ADCYAP1R1: variants seen among roughly 807,000 people sequenced by gnomAD.
The protein encoded by ADCYAP1R1 is ADCYAP receptor type I, also known as pituitary adenylate cyclase-activating polypeptide type I receptor.
In ADCYAP1R1, 44 loss-of-function variants were observed where a neutral mutation model predicts 67.6. The observed-to-expected ratio is 0.65, with a 90% CI of 0.51 to 0.84. The LOEUF (loss-of-function observed/expected upper bound fraction) is 0.84, where lower values mean the gene tolerates loss of function less well. ADCYAP1R1 is among the 40% of genes least tolerant of loss of function. ADCYAP1R1 has a pLI of 0.00. For missense variants in ADCYAP1R1, 477 were observed against 587.9 expected (o/e 0.81, Z 1.95); for synonymous variants, 222 against 219.6 (o/e 1.01, Z -0.10).
rs1796824481 is a variant in ADCYAP1R1 at position 31,110,588 on chromosome 7, C to T, written c.*3904C>T. The stretch of plus-strand genomic sequence containing the variant: ...CTGCACATGAGCAGAATGTGACACT[C>T]AAAGCATCCATGCAGTACGCATGTA... On this transcript the variant is annotated 3_prime_UTR_variant, in exon 16 of 16. Coordinates refer to ENST00000304166, the MANE Select transcript of ADCYAP1R1 (RefSeq NM_001118.5). The T allele has an allele frequency of 6.6e-6, 1 of 152,470 alleles. No homozygotes were observed. The allele number at this position is 152,470 out of a possible 1,614,324, so 9.4% of individuals were successfully genotyped here.
intron 7 of ADCYAP1R1, among the ~76,000 whole-genome samples, chr7:31,084,514 A>T (rs973117014): frequency 3.3e-5 from 5 of 152,220 alleles, no homozygotes; most frequent in Non-Finnish European, 7.3e-5. Flanking sequence ...TGCCTTCAAC[A>T]GCATATATTG....
Position 31,086,846 on chromosome 7 carries a change from T to C in ADCYAP1R1, c.824-97T>C. ...GAATTCCCAGGAATTCCAAGTCTCA[T>C]GGGGGAGCAATAGCCTCTCGGAGCC... On this transcript the variant is annotated intron_variant, in intron 10 of 15. Transcript: ENST00000304166. The surrounding 1 kb of genome is among the most constrained non-coding windows in gnomAD (Gnocchi z 5.0). The C allele has an allele frequency of 1.5e-6, 2 of 1,304,056 alleles. No homozygotes were observed. Among genetic ancestry groups the C allele is most frequent in the Non-Finnish European group, 2.2e-6 (2 of 900,922 alleles). 80.8% of individuals were successfully genotyped at this position (1,304,056 alleles called of 1,614,324 possible).
chr7:31,064,128 C>G (rs1794631024), intron 2 of ADCYAP1R1, among the ~76,000 whole-genome samples: 2 of 152,196 alleles, frequency 1.3e-5, no homozygotes, highest in African/African-American at 4.8e-5. Context: ...TAACTTTGGG[C>G]TGGAGTTTCT....
At chr7:31,058,831 T>A (rs761134294) in intron 1 of ADCYAP1R1, among the ~76,000 whole-genome samples, 14 of 152,050 alleles carry the variant, frequency 9.2e-5, no homozygotes, top group Non-Finnish European at 1.9e-4. Flanking sequence ...TGCACCAACT[T>A]TGGAGCCAGA....
chr7:31,085,708 A>G (rs1795719076), intron 9 of ADCYAP1R1, among the ~76,000 whole-genome samples: 1 of 152,212 alleles, frequency 6.6e-6, no homozygotes, highest in African/African-American at 2.4e-5. Flanking sequence ...GCAGAAGAGG[A>G]AGGTCAGGTG....
intron 13 of ADCYAP1R1, among the ~76,000 whole-genome samples, chr7:31,094,170 G>A (rs1227499275): frequency 1.3e-5 from 2 of 152,104 alleles, no homozygotes; most frequent in African/African-American, 4.8e-5. Flanking sequence ...GTTTTTGCAA[G>A]TTTTTACCAA....
In ADCYAP1R1 at chr7:31,084,720, C is replaced by T. The variant is rs367810765; in HGVS notation, c.439-17C>T. On this transcript the variant is annotated splice_polypyrimidine_tract_variant and intron_variant, in intron 7 of 15. Transcript: ENST00000304166. ...AGGTCTCACATGAAGTCCTGCATGT[C>T]CTGTGCTCTGCTTCAGGATTATTAC... 268 of 1,607,474 alleles carry T rather than the reference C, an allele frequency of 1.7e-4. No individual in the cohort carries two copies. Among genetic ancestry groups the T allele is most frequent in the Non-Finnish European group, 2.2e-4 (257 of 1,174,106 alleles).
intron 13 of ADCYAP1R1, chr7:31,100,288 G>A: frequency 3.6e-6 from 5 of 1,386,172 alleles, no homozygotes; most frequent in Non-Finnish European, 5.0e-6. Context: ...CGCTGCTGGA[G>A]GAGAGTGGAG....
chr7:31,100,328 A>T, intron 13 of ADCYAP1R1: 1 of 732,570 alleles, frequency 1.4e-6, no homozygotes, highest in Non-Finnish European at 2.0e-6. Context: ...GCCCCAACCC[A>T]TTCCCGGCTG....
At chr7:31,054,845 G>A (rs1456513857) in intron 1 of ADCYAP1R1, among the ~76,000 whole-genome samples, 2 of 152,202 alleles carry the variant, frequency 1.3e-5, no homozygotes, top group Non-Finnish European at 2.9e-5. Context: ...CCTGTCCTGG[G>A]CAGGTTTGTG....
At chr7:31,069,341 C>T (rs1286098059) in intron 3 of ADCYAP1R1, among the ~76,000 whole-genome samples, 3 of 152,180 alleles carry the variant, frequency 2.0e-5, no homozygotes, top group South Asian at 2.1e-4. Context: ...CTTCCCTGCC[C>T]GGGTGGTCCC....
chr7:31,084,972 A>C, intron 8 of ADCYAP1R1, 138 bp downstream of exon 8: 1 of 878,508 alleles, frequency 1.1e-6, no homozygotes, highest in East Asian at 2.6e-5. Flanking sequence ...CAAGGATAAC[A>C]GATGGGAAAC....
Position 31,086,433 on chromosome 7 carries a change from A to G in ADCYAP1R1, c.719A>G (p.Asn240Ser), listed in dbSNP as rs1795745696. 3 of 1,614,172 alleles carry G rather than the reference A, an allele frequency of 1.9e-6. No individual in the cohort carries two copies. The highest frequency in any genetic ancestry group is 2.5e-6 in the Non-Finnish European group (3 of 1,180,034). Residue 240 changes from asparagine (N) to serine (S), a missense_variant, in exon 10 of 16, where the codon AAC becomes AGC. Physicochemically the swap from Asn to Ser is conservative, Grantham distance 46 (BLOSUM62 1). Transcript: ENST00000304166. The surrounding 1 kb of genome is among the most constrained non-coding windows in gnomAD (Gnocchi z 5.0). ...TTCTTCCACTACTGTGTTGTGTCCA[A>G]CTACTTCTGGCTGTTCATCGAGGGC... Reference protein sequence around the residue: ...MVFFHYCVVSNYFWLFIEGLY... With the variant: ...MVFFHYCVVSSYFWLFIEGLY...
At chr7:31,081,203 G>C (rs1274765974) in intron 5 of ADCYAP1R1, among the ~76,000 whole-genome samples, 3 of 152,110 alleles carry the variant, frequency 2.0e-5, no homozygotes, top group Non-Finnish European at 2.9e-5. Context: ...CATAAGAAAA[G>C]GGTGGAAATG....
chr7:31,080,501 G>T, intron 4 of ADCYAP1R1, 112 bp from the exon 5 acceptor site: 1 of 1,104,642 alleles, frequency 9.1e-7, no homozygotes, highest in Admixed American at 2.0e-5. Flanking sequence ...AATGTTTGGG[G>T]TTGGGAAGGA....
In ADCYAP1R1 at chr7:31,106,875, C is replaced by T. The variant is rs1796671614; in HGVS notation, c.*191C>T. 1.5e-6 allele frequency: 1 copy of T among 668,382 alleles called. No individual in the cohort carries two copies. The highest frequency in any genetic ancestry group is 2.4e-6 in the Non-Finnish European group (1 of 414,918). 41.4% of individuals were successfully genotyped at this position (668,382 alleles called of 1,614,324 possible). On this transcript the variant is annotated 3_prime_UTR_variant, in exon 16 of 16. Coordinates refer to ENST00000304166, the MANE Select transcript of ADCYAP1R1 (RefSeq NM_001118.5). ...CTCCTTGTTTTGGTACTGGTCCCAC[C>T]CACTGTGGTCCCCTGGGCCCTGACC...
At chr7:31,092,896 T>C (rs1796025136) in intron 13 of ADCYAP1R1, among the ~76,000 whole-genome samples, 161 bp downstream of exon 13, 2 of 152,056 alleles carry the variant, frequency 1.3e-5, no homozygotes, top group African/African-American at 4.8e-5. Context: ...TAGTTGCCCT[T>C]CCAGAATTCA....
Position 31,104,876 on chromosome 7 carries a change from G to C in ADCYAP1R1, c.1185G>C (p.Val395=). The C allele has an allele frequency of 2.5e-6, 4 of 1,614,168 alleles. No individual in the cohort carries two copies. The highest frequency in any genetic ancestry group is 3.4e-6 in the Non-Finnish European group (4 of 1,180,030). The part of the protein sequence containing the change: ...ELGLGSFQGF[V]VAVLYCFLNG... ...ATTTTCTCTATTCCCAGGGCTTTGT[G>C]GTGGCTGTTCTCTACTGTTTTCTGA... The change falls in exon 15 of 16, where the codon GTG becomes GTC. Residue 395 remains valine, a synonymous_variant. Coordinates refer to ENST00000304166, the MANE Select transcript of ADCYAP1R1 (RefSeq NM_001118.5).
At chr7:31,065,158 C>A (rs1284361527) in intron 3 of ADCYAP1R1, among the ~76,000 whole-genome samples, 1 of 152,192 alleles carries the variant, frequency 6.6e-6, no homozygotes, top group Non-Finnish European at 1.5e-5. Context: ...TTCTGGGTGA[C>A]TGGACATGGC....
Sources: allele counts gnomAD v4.1 joint callset (sites outside exome capture counted in the v4.1 genomes callset), GRCh38; gene constraint gnomAD v4.1.1; non-coding constraint Gnocchi (gnomAD v3.1); transcripts MANE v1.5; gene names NCBI Gene and HGNC (gene_info 2026-07-23, HGNC 2026-07-21).